The following LOC400499 variants were observed in gnomAD, a reference collection of about 807,000 sequenced individuals.
chr16:11,427,577 G>C, the LOC400499 span, among the ~76,000 whole-genome samples: 1 of 151,538 alleles, frequency 6.6e-6, no homozygotes, highest in African/African-American at 2.4e-5. Flanking sequence ...CCATGTAGCT[G>C]GGACTGTAGG....
chr16:11,411,408 G>C, the LOC400499 span: 12,077 of 398,830 alleles, frequency 0.03, 226 homozygotes, highest in Non-Finnish European at 0.04. Context: ...CGAGACCAAG[G>C]GGACTTCCCC....
the LOC400499 span, chr16:11,393,312 A>C: frequency 4.3e-6 from 5 of 1,157,164 alleles, no homozygotes; most frequent in Non-Finnish European, 5.4e-6. Context: ...TGAAATCTTA[A>C]CGCCCAGACC....
chr16:11,439,168 G>T, the LOC400499 span, among the ~76,000 whole-genome samples: 5 of 152,132 alleles, frequency 3.3e-5, no homozygotes, highest in African/African-American at 7.2e-5. Context: ...CCTCTTGAAG[G>T]ATTACATGGC....
At chr16:11,456,874 G>C in the LOC400499 span, 1 of 1,536,248 alleles carries the variant, frequency 6.5e-7, no homozygotes, top group Non-Finnish European at 8.7e-7. Context: ...CACTTCCACA[G>C]GGTGGCCCGA....
chr16:11,520,553 G>C, the LOC400499 span, among the ~76,000 whole-genome samples: 2 of 151,630 alleles, frequency 1.3e-5, no homozygotes, highest in Non-Finnish European at 2.9e-5. Context: ...AGTAATCTCA[G>C]CTACTCAGGA....
chr16:11,383,657 G>C, the LOC400499 span: 1 of 1,232,274 alleles, frequency 8.1e-7, no homozygotes, highest in Non-Finnish European at 1.0e-6. Flanking sequence ...TGTGGAGGAG[G>C]GGCCAGGGGT....
chr16:11,477,947 G>A, the LOC400499 span: 1 of 398,994 alleles, frequency 2.5e-6, no homozygotes, highest in Non-Finnish European at 4.4e-6. Flanking sequence ...AGACACGGTG[G>A]GAAAGACCAG....
the LOC400499 span, among the ~76,000 whole-genome samples, chr16:11,381,325 A>T: frequency 1.3e-5 from 2 of 151,866 alleles, no homozygotes; most frequent in African/African-American, 4.8e-5. Context: ...TGCAGCCTTG[A>T]CCTCCTGGGT....
At chr16:11,515,483 A>ATACATACATACATACGTACG in the LOC400499 span, among the ~76,000 whole-genome samples, 7 of 144,826 alleles carry the variant, frequency 4.8e-5, no homozygotes, top group Non-Finnish European at 7.4e-5. Context: ...ACGTACGTAC[A>ATACATACATACATACGTACG]TACATACATA....
the LOC400499 span, among the ~76,000 whole-genome samples, chr16:11,492,244 C>A: frequency 1.3e-5 from 2 of 151,844 alleles, no homozygotes; most frequent in Non-Finnish European, 2.9e-5. Flanking sequence ...TTGGCTTCCT[C>A]CACAGCCAGC....
the LOC400499 span, among the ~76,000 whole-genome samples, chr16:11,511,370 A>G: frequency 6.6e-6 from 1 of 152,130 alleles, no homozygotes; most frequent in Non-Finnish European, 1.5e-5. Flanking sequence ...AGCTAAAGAA[A>G]CTGAGGCACA....
At chr16:11,481,382 G>T in the LOC400499 span, among the ~76,000 whole-genome samples, 1 of 152,188 alleles carries the variant, frequency 6.6e-6, no homozygotes, top group Non-Finnish European at 1.5e-5. Context: ...GAGTGCAGTG[G>T]TGCAATCTTG....
chr16:11,432,754 C>T, the LOC400499 span, among the ~76,000 whole-genome samples: 4 of 152,172 alleles, frequency 2.6e-5, no homozygotes, highest in African/African-American at 7.2e-5. Context: ...CCATGCATTT[C>T]GTGGTGCACA....
the LOC400499 span, among the ~76,000 whole-genome samples, chr16:11,450,048 G>C: frequency 3.9e-4 from 60 of 152,232 alleles, 1 homozygote; most frequent in African/African-American, 1.4e-3. Context: ...CTCCAACCTG[G>C]TGCCACCCAG....
At chr16:11,465,496 G>A in the LOC400499 span, 4 of 152,002 alleles carry the variant, frequency 2.6e-5, no homozygotes, top group Non-Finnish European at 5.9e-5. Context: ...CAGTGACAGG[G>A]GCTTCAAACG....
At chr16:11,414,886 C>T in the LOC400499 span, among the ~76,000 whole-genome samples, 1 of 152,208 alleles carries the variant, frequency 6.6e-6, no homozygotes. Flanking sequence ...CCTGAAATGA[C>T]CTCGCTCACT....
the LOC400499 span, chr16:11,417,657 G>A: frequency 5.1e-4 from 205 of 399,196 alleles, 8 homozygotes; most frequent in South Asian, 0.024. Context: ...CAGCACTAAG[G>A]CAGGCCTCGC....
the LOC400499 span, chr16:11,383,503 C>T: frequency 1.1e-5 from 11 of 982,114 alleles, no homozygotes; most frequent in Admixed American, 1.3e-4. Context: ...AACAGGCAGT[C>T]TTAATAAATG....
chr16:11,513,003 G>A, the LOC400499 span, among the ~76,000 whole-genome samples: 3 of 152,218 alleles, frequency 2.0e-5, no homozygotes, highest in African/African-American at 7.2e-5. Flanking sequence ...CAGAGCTGCA[G>A]AACACACGGC....
Sources: allele counts gnomAD v4.1 joint callset (sites outside exome capture counted in the v4.1 genomes callset), GRCh38; gene constraint gnomAD v4.1.1; transcripts MANE v1.5.